GALNT17: variants seen among roughly 807,000 people sequenced by gnomAD.
GALNT17 encodes UDP-GalNAc:polypeptide N-acetylgalactosaminyltransferase-like 3.
A neutral mutation model predicts 63.7 loss-of-function variants in GALNT17; 29 were observed. The ratio of observed to expected loss-of-function variants is 0.46; its 90% CI spans 0.34 to 0.62. GALNT17 has a LOEUF of 0.62. Among genes scored for constraint, GALNT17 ranks in the 20% least tolerant of loss-of-function variants. GALNT17 has a pLI of 0.01. For missense variants in GALNT17, 603 were observed against 799.6 expected (o/e 0.75, Z 2.97); for synonymous variants, 305 against 318.3 (o/e 0.96, Z 0.45).
intron 5 of GALNT17, among the ~76,000 whole-genome samples, chr7:71,481,801 G>T (rs1237744107): frequency 6.6e-6 from 1 of 151,922 alleles, no homozygotes; most frequent in Non-Finnish European, 1.5e-5. Context: ...GAGGCAATAA[G>T]GCACTTCGAC....
chr7:71,174,250 G>GC (rs1274717054), intron 1 of GALNT17, among the ~76,000 whole-genome samples: 1 of 152,190 alleles, frequency 6.6e-6, no homozygotes, highest in Admixed American at 6.5e-5. Context: ...GGACATCTGA[G>GC]CTGAGTGTTG....
chr7:71,359,226 T>C lies in GALNT17; in HGVS notation c.422+23493T>C, dbSNP rs1792351278. On this transcript the variant is annotated intron_variant, in intron 2 of 10. Coordinates refer to ENST00000333538, the MANE Select transcript of GALNT17 (RefSeq NM_022479.3). Reference sequence around the variant, plus strand: ...CTAACTGGCTCACAGTTCTACACGCTGTACGAGAAGCATGACACCAGCATT... The same window carrying C: ...CTAACTGGCTCACAGTTCTACACGCCGTACGAGAAGCATGACACCAGCATT... Among the ~76,000 whole-genome samples, 2 of 152,260 alleles carry C rather than the reference T, an allele frequency of 1.3e-5. 1 individual carries two copies. The highest frequency in any genetic ancestry group is 4.8e-5 in the African/African-American group (2 of 41,476).
intron 5 of GALNT17, among the ~76,000 whole-genome samples, chr7:71,544,180 G>A (rs1337043181): frequency 7.0e-6 from 1 of 142,608 alleles, no homozygotes; most frequent in Admixed American, 7.3e-5. Flanking sequence ...CCCAGGCTCT[G>A]GAGTGCAGTG....
In GALNT17 at chr7:71,234,505, C is replaced by T. The variant is rs537646164; in HGVS notation, c.239-101045C>T. Among the ~76,000 whole-genome samples the T allele has an allele frequency of 1.5e-4, 23 of 152,222 alleles. No homozygotes were observed. The South Asian group carries it at 4.8e-3, about 32-fold the overall frequency. On this transcript the variant is annotated intron_variant, in intron 1 of 10. Coordinates refer to ENST00000333538, the MANE Select transcript of GALNT17 (RefSeq NM_022479.3). ...TCTTGAACTGCTGAGCTCAGGTGAT[C>T]AGCCCACTTCGGCCTCCCAAAGTGT...
In GALNT17 at chr7:71,677,221, A is replaced by T. The variant is rs199835659; in HGVS notation, c.1415A>T (p.Asn472Ile). ...NTVAYGELRN[N>I]KAKDVCLDQG... ...TGTCTATTCTTGCAGCTTCGCAACA[A>T]CAAGGCAAAAGACGTCTGCTTGGAC... The change falls in exon 9 of 11, where the codon AAC becomes ATC. Residue 472 changes from asparagine (N) to isoleucine (I), a missense_variant. Asn to Ile is a moderately radical substitution (Grantham distance 149). This residue lies in a region of GALNT17 where 336 missense variants were observed against 507.8 expected (regional missense o/e 0.66). Coordinates refer to ENST00000333538, the MANE Select transcript of GALNT17 (RefSeq NM_022479.3). The T allele has an allele frequency of 4.1e-5, 66 of 1,613,978 alleles. No homozygotes were observed. Among genetic ancestry groups the T allele is most frequent in the Non-Finnish European group, 5.5e-5 (65 of 1,179,916 alleles).
chr7:71,142,941 CA>C (rs58537746), intron 1 of GALNT17, among the ~76,000 whole-genome samples: 89,250 of 123,312 alleles, frequency 0.72, 30,365 homozygotes, highest in East Asian at 0.97. Context: ...ACTCTTGTCT[CA>C]AAAAAAAAAA....
chr7:71,241,436 G>A (rs1052686620), intron 1 of GALNT17, among the ~76,000 whole-genome samples: 3 of 152,184 alleles, frequency 2.0e-5, no homozygotes, highest in Non-Finnish European at 2.9e-5. Flanking sequence ...TTGCATTGTG[G>A]TCGCCTGGAG....
intron 1 of GALNT17, among the ~76,000 whole-genome samples, chr7:71,333,731 G>A (rs943348429): frequency 2.0e-5 from 3 of 152,000 alleles, no homozygotes; most frequent in African/African-American, 7.2e-5. Flanking sequence ...GAACTCCTCA[G>A]GTGATCACCT....
intron 3 of GALNT17, 80 bp from the exon 4 acceptor site, chr7:71,415,809 A>G (rs1793513140): frequency 7.1e-7 from 1 of 1,416,412 alleles, no homozygotes; most frequent in East Asian, 2.4e-5. Flanking sequence ...CTCCCTGAAG[A>G]TCTGTGGGCA....
chr7:71,164,652 G>T (rs547961438), intron 1 of GALNT17, among the ~76,000 whole-genome samples: 5 of 152,108 alleles, frequency 3.3e-5, no homozygotes, highest in Non-Finnish European at 7.4e-5. Context: ...AGGGGGAAGC[G>T]ACCACAGAAC....
chr7:71,430,016 A>T (rs1435331443), intron 5 of GALNT17, among the ~76,000 whole-genome samples: 5 of 151,922 alleles, frequency 3.3e-5, no homozygotes, highest in African/African-American at 9.7e-5. Context: ...TGTAATTTTT[A>T]AAAAATGTTT....
intron 6 of GALNT17, among the ~76,000 whole-genome samples, chr7:71,636,285 C>A (rs1790527704): frequency 6.6e-6 from 1 of 152,094 alleles, no homozygotes; most frequent in Non-Finnish European, 1.5e-5. Context: ...TAGCTAGAAG[C>A]AGGGAGTGGG....
At chr7:71,651,493 G>A (rs1305323108) in intron 6 of GALNT17, among the ~76,000 whole-genome samples, 4 of 151,952 alleles carry the variant, frequency 2.6e-5, no homozygotes, top group African/African-American at 7.2e-5. Flanking sequence ...TAGTAGACAC[G>A]GGGTTTCACC....
intron 5 of GALNT17, among the ~76,000 whole-genome samples, chr7:71,482,501 A>G (rs1025686595): frequency 6.6e-6 from 1 of 152,120 alleles, no homozygotes; most frequent in African/African-American, 2.4e-5. Flanking sequence ...TCATTGAGCA[A>G]ACATTATAGA....
intron 3 of GALNT17, among the ~76,000 whole-genome samples, chr7:71,410,038 C>T (rs1486236955): frequency 1.3e-5 from 2 of 152,098 alleles, no homozygotes; most frequent in African/African-American, 2.4e-5. Context: ...AAGAATATCT[C>T]AAAGGGAAAA....
intron 1 of GALNT17, among the ~76,000 whole-genome samples, chr7:71,135,384 A>G (rs1363801638): frequency 1.3e-5 from 2 of 152,188 alleles, no homozygotes; most frequent in Admixed American, 6.5e-5. Flanking sequence ...TTAGGAGGCT[A>G]CTTTCTACTT....
chr7:71,253,730 C>T (rs1204614477), intron 1 of GALNT17, among the ~76,000 whole-genome samples: 1 of 152,042 alleles, frequency 6.6e-6, no homozygotes, highest in Non-Finnish European at 1.5e-5. Flanking sequence ...TACATAGGTA[C>T]AGGTAAGAAT....
At chr7:71,299,580 G>C (rs971668430) in intron 1 of GALNT17, among the ~76,000 whole-genome samples, 1 of 152,028 alleles carries the variant, frequency 6.6e-6, no homozygotes, top group East Asian at 1.9e-4. Context: ...CTGTGTGCAC[G>C]TCCTGAGAAC....
chr7:71,335,873 T>C (rs1311164649), intron 2 of GALNT17, 140 bp downstream of exon 2: 1 of 717,392 alleles, frequency 1.4e-6, no homozygotes, highest in Non-Finnish European at 2.0e-6. Flanking sequence ...TAAATAAACT[T>C]AGTACTCCTG....
Sources: gnomAD v4.1 joint callset for allele counts (sites outside exome capture counted in the v4.1 genomes callset) on GRCh38, gnomAD v4.1.1 for gene constraint, gnomAD v4.1.1 regional missense constraint, MANE v1.5 for transcripts, NCBI Gene and HGNC (gene_info 2026-07-23, HGNC 2026-07-21) for gene names.